The following KIAA0586 variants were observed in gnomAD, a reference collection of about 807,000 sequenced individuals.
KIAA0586 encodes protein TALPID3.
In KIAA0586, 144 loss-of-function variants were observed where a neutral mutation model predicts 169.8. The ratio of observed to expected loss-of-function variants is 0.85; its 90% CI spans 0.74 to 0.97. The LOEUF is 0.97. Among genes scored for constraint, KIAA0586 ranks in the 50% least tolerant of loss-of-function variants. The probability of loss-of-function intolerance (pLI) is 0.00; values close to 1 mark genes in which losing one functional copy is unlikely to be tolerated. For missense variants in KIAA0586, 1,854 were observed against 1,823.0 expected, an observed-to-expected ratio of 1.02 and a Z score of -0.31; for synonymous variants, 625 against 612.4, an observed-to-expected ratio of 1.02 and a Z score of -0.30.
At chr14:58,555,848 A>AATT (rs1009901016), downstream of KIAA0586, among the ~76,000 whole-genome samples, 2 of 152,182 alleles carry the variant, frequency 1.3e-5, no homozygotes, top group African/African-American at 4.8e-5. Flanking sequence ...AAATTGAGAC[A>AATT]ATTTTCCTTC....
intron 9 of KIAA0586, among the ~76,000 whole-genome samples, chr14:58,454,581 T>C (rs187094722): frequency 1.2e-4 from 19 of 152,362 alleles, no homozygotes; most frequent in African/African-American, 4.3e-4. Context: ...GTATTTCTTA[T>C]AGGGTAGGTC....
In KIAA0586 at chr14:58,549,774, C is replaced by G. The variant is rs537980242; in HGVS notation, c.*1842C>G. On this transcript the variant is annotated 3_prime_UTR_variant, in exon 31 of 31. Coordinates refer to ENST00000652326, the MANE Select transcript of KIAA0586 (RefSeq NM_001329943.3). ...CATTTTAAACATGACACCCCACCCCCCAACCTTGGTTTCTGGTTTTCATAG... is the reference window on the plus strand; with the variant it reads ...CATTTTAAACATGACACCCCACCCCGCAACCTTGGTTTCTGGTTTTCATAG... 2 of 152,194 alleles carry G rather than the reference C, an allele frequency of 1.3e-5. No homozygotes were observed. The highest frequency in any genetic ancestry group is 2.1e-4 in the South Asian group (1 of 4,832). The allele number at this position is 152,194 out of a possible 1,614,324, so 9.4% of individuals were successfully genotyped here. A position where few individuals can be genotyped will look rare whatever the true frequency, so the allele number is the denominator to read the frequency against.
chr14:58,441,308 CT>C, intron 4 of KIAA0586: 1 of 449,090 alleles, frequency 2.2e-6, no homozygotes, highest in Non-Finnish European at 4.5e-6. Context: ...TCATGAGATC[CT>C]CCCACCTCAG....
chr14:58,495,418 C>G (rs929227104), intron 26 of KIAA0586, among the ~76,000 whole-genome samples: 1 of 151,962 alleles, frequency 6.6e-6, no homozygotes, highest in Non-Finnish European at 1.5e-5. Context: ...CCTCCCATCT[C>G]AGCCCCCAGA....
chr14:58,484,904 A>ATATATATTTTTATATATATATATATATT (rs1566876980), intron 21 of KIAA0586, among the ~76,000 whole-genome samples: 1 of 4,204 alleles, frequency 2.4e-4, no homozygotes, highest in Non-Finnish European at 3.5e-4. Flanking sequence ...ATATATATAT[A>ATATATATTTTTATATATATATATATATT]TATATATATA....
Position 58,519,553 on chromosome 14 carries a change from A to G in KIAA0586, c.4429+6926A>G, listed in dbSNP as rs568290530. Among the ~76,000 whole-genome samples, 18 of 152,356 alleles carry G rather than the reference A, an allele frequency of 1.2e-4. 1 individual carries two copies. Among genetic ancestry groups the G allele is most frequent in the African/African-American group, 4.1e-4 (17 of 41,580 alleles). ...AAAGCTGATGCTCCTTTCCTTGTGTAATACTATTTATTGAATAAGCATTTA... is the reference window on the plus strand; with the variant it reads ...AAAGCTGATGCTCCTTTCCTTGTGTGATACTATTTATTGAATAAGCATTTA... On this transcript the variant is annotated intron_variant, in intron 29 of 30. Transcript: ENST00000652326.
chr14:58,484,674 T>C (rs1447361593), intron 21 of KIAA0586, among the ~76,000 whole-genome samples: 3 of 150,080 alleles, frequency 2.0e-5, no homozygotes, highest in Non-Finnish European at 3.0e-5. Context: ...GTTTATGCAG[T>C]CAAGAAGAAA....
At chr14:58,544,528 C>G (rs2046863218) in intron 30 of KIAA0586, among the ~76,000 whole-genome samples, 1 of 152,160 alleles carries the variant, frequency 6.6e-6, no homozygotes, top group Non-Finnish European at 1.5e-5. Context: ...TCACCAGCAT[C>G]TGTTATTTTT....
Position 58,470,675 on chromosome 14 carries a change from G to A in KIAA0586, c.2505G>A (p.Leu835=), listed in dbSNP as rs751246498. 3 of 1,610,406 alleles carry A rather than the reference G, an allele frequency of 1.9e-6. No homozygotes were observed. Among genetic ancestry groups the A allele is most frequent in the Admixed American group, 1.7e-5 (1 of 59,976 alleles). The change falls in exon 17 of 31, where the codon CTG becomes CTA. Residue 835 remains leucine, a synonymous_variant. Coordinates refer to ENST00000652326, the MANE Select transcript of KIAA0586 (RefSeq NM_001329943.3). ...GTAGTGCTGATGTCCTTTCACCTCTGTCTAGCCCCAAAGAAGCATCTCTTC... is the reference window on the plus strand; with the variant it reads ...GTAGTGCTGATGTCCTTTCACCTCTATCTAGCCCCAAAGAAGCATCTCTTC... ...SNSSADVLSP[L]SSPKEASLPP...
chr14:58,554,765 T>C (rs555811149), downstream of KIAA0586, among the ~76,000 whole-genome samples: 4 of 152,326 alleles, frequency 2.6e-5, no homozygotes, highest in South Asian at 6.2e-4. Context: ...CCATCTTTGT[T>C]TTTTCTATAA....
intron 13 of KIAA0586, among the ~76,000 whole-genome samples, chr14:58,460,667 T>A (rs989949565): frequency 3.3e-5 from 5 of 152,098 alleles, no homozygotes; most frequent in African/African-American, 1.2e-4. Context: ...ATTTAAAGGT[T>A]AAGGTTGTTG....
At chr14:58,498,622 C>A (rs2043331491) in intron 26 of KIAA0586, among the ~76,000 whole-genome samples, 161 bp from the exon 27 acceptor site, 1 of 152,136 alleles carries the variant, frequency 6.6e-6, no homozygotes, top group African/African-American at 2.4e-5. Context: ...AGACTAACTT[C>A]TTGAACTTTT....
intron 9 of KIAA0586, among the ~76,000 whole-genome samples, 183 bp downstream of exon 9, chr14:58,453,656 T>C (rs1433131051): frequency 6.6e-6 from 1 of 152,210 alleles, no homozygotes; most frequent in East Asian, 1.9e-4. Flanking sequence ...AATGAATATC[T>C]CATTTTTTCA....
intron 29 of KIAA0586, among the ~76,000 whole-genome samples, chr14:58,538,841 A>G (rs896574142): frequency 2.6e-5 from 4 of 151,818 alleles, no homozygotes; most frequent in Admixed American, 2.6e-4. Context: ...AGGCAGTGGC[A>G]CCATCTTGGC....
At chr14:58,441,552 T>C (rs2038372818) in intron 4 of KIAA0586, among the ~76,000 whole-genome samples, 1 of 152,120 alleles carries the variant, frequency 6.6e-6, no homozygotes, top group Non-Finnish European at 1.5e-5. Context: ...TTATCAATAA[T>C]GGAAAAACCA....
At chr14:58,458,341 T>C in intron 11 of KIAA0586, 132 bp from the exon 12 acceptor site, 1 of 620,260 alleles carries the variant, frequency 1.6e-6, no homozygotes, top group Non-Finnish European at 2.8e-6. Context: ...TCTACTATCC[T>C]AATATCCTTT....
At position 58,438,202 on chromosome 14, in the gene KIAA0586, G is replaced by A. The variant is rs562307213; in HGVS notation, c.411-4504G>A. Among the ~76,000 whole-genome samples the A allele has an allele frequency of 7.2e-5, 11 of 152,234 alleles. No individual in the cohort carries two copies. The South Asian group carries it at 2.1e-3, about 29-fold the overall frequency. On this transcript the variant is annotated intron_variant, in intron 4 of 30. Transcript: ENST00000652326. ...AATTGCTTCTTAATGGGAGGGTTAT[G>A]TGCATTTTTTTGACATTTATATGTC...
intron 4 of KIAA0586, among the ~76,000 whole-genome samples, chr14:58,442,242 T>C (rs372800879): frequency 6.6e-6 from 1 of 152,168 alleles, no homozygotes; most frequent in Non-Finnish European, 1.5e-5. Flanking sequence ...CCTGAGTGGC[T>C]AGGACTACAG....
At chr14:58,427,656 A>G, upstream of KIAA0586, 1 of 1,535,602 alleles carries the variant, frequency 6.5e-7, no homozygotes, top group South Asian at 1.2e-5. Flanking sequence ...CTTGGCGCGC[A>G]TGCGTGTTGT....
Sources: gnomAD v4.1 joint callset for allele counts (sites outside exome capture counted in the v4.1 genomes callset) on GRCh38, gnomAD v4.1.1 for gene constraint, MANE v1.5 for transcripts, NCBI Gene and HGNC (gene_info 2026-07-23, HGNC 2026-07-21) for gene names.